Variants in GLS2 observed in about 807,000 individuals in gnomAD.
The protein encoded by GLS2 is glutaminase liver isoform, mitochondrial.
GLS2 carries 52 observed loss-of-function variants against 79.0 expected under a neutral mutation model. That is an observed-to-expected ratio of 0.66 (90% CI 0.53 to 0.83). The LOEUF (loss-of-function observed/expected upper bound fraction) is 0.83. GLS2 is among the 40% of genes least tolerant of loss of function. The pLI, the probability that GLS2 is intolerant of heterozygous loss-of-function variation, is 0.00. For synonymous variants in GLS2, 238 were observed against 280.8 expected, an observed-to-expected ratio of 0.85 and a Z score of 1.52; for missense variants, 561 against 764.8, an observed-to-expected ratio of 0.73 and a Z score of 3.14.
intron 14 of GLS2, 25 bp from the exon 15 acceptor site, chr12:56,472,776 G>C (rs748572561): frequency 6.2e-6 from 10 of 1,608,880 alleles, no homozygotes; most frequent in Middle Eastern, 1.6e-4. Flanking sequence ...ATACCCACAT[G>C]ACATTAATTG....
chr12:56,474,344 C>G (rs1282248560), intron 12 of GLS2, 200 bp downstream of exon 12: 1 of 638,684 alleles, frequency 1.6e-6, no homozygotes, highest in African/African-American at 1.8e-5. Flanking sequence ...CTGCCTCGGC[C>G]TCCCAAAGAC....
At chr12:56,477,542 G>T in intron 7 of GLS2, 118 bp downstream of exon 7, 1 of 1,016,826 alleles carries the variant, frequency 9.8e-7, no homozygotes, top group East Asian at 2.4e-5. Flanking sequence ...GCCTTCTGGG[G>T]ACCCTCAAAG....
chr12:56,474,918 G>A, intron 10 of GLS2, 22 bp from the exon 11 acceptor site: 1 of 1,614,076 alleles, frequency 6.2e-7, no homozygotes, highest in Non-Finnish European at 8.5e-7. Flanking sequence ...AGAGGGGAGA[G>A]CATTTCTCTT....
Position 56,479,071 on chromosome 12 carries a change from T to C in GLS2, c.515A>G (p.Lys172Arg). 2 of 1,613,872 alleles carry C rather than the reference T, an allele frequency of 1.2e-6. No homozygotes were observed. The highest frequency in any genetic ancestry group is 1.7e-6 in the Non-Finnish European group (2 of 1,179,972). The change falls in exon 4 of 18, where the codon AAA becomes AGA. Residue 172 changes from lysine (K) to arginine (R), a missense_variant. Lys to Arg is a conservative substitution (Grantham distance 26). Around this residue, in one of 4 missense-constraint regions of GLS2, gnomAD observed 43 missense variants for 92.8 expected, o/e 0.46. Coordinates refer to ENST00000311966, the MANE Select transcript of GLS2 (RefSeq NM_013267.4). ...TCTCACTTTGCCTCCAGTGAGCTCT[T>C]TGACATCCTCAAAGATGCGATCCAC... ...GHVDRIFEDVKELTGGKVAAY... is the reference protein window; with the variant it reads ...GHVDRIFEDVRELTGGKVAAY...
intron 2 of GLS2, 112 bp from the exon 3 acceptor site, chr12:56,480,013 G>A (rs945270847): frequency 1.5e-6 from 2 of 1,359,996 alleles, no homozygotes; most frequent in East Asian, 2.3e-5. Context: ...TACAATAGGT[G>A]GAACAAATGG....
In GLS2 at chr12:56,474,564, A is replaced by C. The variant is rs1287798997; in HGVS notation, c.1204T>G (p.Ser402Ala). The C allele has an allele frequency of 5.0e-6, 8 of 1,613,974 alleles. No individual in the cohort carries two copies. The East Asian group carries it at 1.3e-4, about 27-fold the overall frequency. Residue 402 changes from serine (S) to alanine (A), a missense_variant, in exon 12 of 18, where the codon TCT becomes GCT. Physicochemically the swap from Ser to Ala is moderately conservative, Grantham distance 99 (BLOSUM62 1). Transcript: ENST00000311966. ...LMHSCGMYDF[S>A]GQFAFHVGLP... ...CTCACGTGGAAGGCAAACTGGCCAG[A>C]GAAGTCATACATGCCGCAGGAATGC...
intron 5 of GLS2, 26 bp from the exon 6 acceptor site, chr12:56,478,122 G>A (rs755011309): frequency 1.2e-6 from 2 of 1,614,044 alleles, no homozygotes; most frequent in East Asian, 2.2e-5. Context: ...TGCCATGAAA[G>A]GGGTTGGCCT....
intron 15 of GLS2, 101 bp from the exon 16 acceptor site, chr12:56,472,296 G>A (rs1592271913): frequency 9.4e-7 from 1 of 1,059,454 alleles, no homozygotes; most frequent in Non-Finnish European, 1.5e-6. Flanking sequence ...CAGAGAAAGT[G>A]AAACAGCCTA....
chr12:56,478,572 T>A, intron 4 of GLS2: 1 of 350,490 alleles, frequency 2.9e-6, no homozygotes, highest in Non-Finnish European at 5.3e-6. Context: ...GAAGGCTCTA[T>A]TCGATCTTGA....
chr12:56,478,059 G>T lies in GLS2; in HGVS notation c.652C>A (p.Gln218Lys). 1.2e-6 allele frequency: 2 copies of T among 1,614,222 alleles called. No individual in the cohort carries two copies. Among genetic ancestry groups the T allele is most frequent in the Non-Finnish European group, 1.7e-6 (2 of 1,180,024 alleles). The change falls in exon 6 of 18, where the codon CAG becomes AAG. Residue 218 changes from glutamine to lysine, a missense_variant. Around this residue, in one of 4 missense-constraint regions of GLS2, gnomAD observed 221 missense variants for 275.6 expected, o/e 0.80. Transcript: ENST00000311966. Reference protein sequence around the residue: ...VGHTKIPFCLQSCVKPLTYAI... With the variant: ...VGHTKIPFCLKSCVKPLTYAI... Reference sequence around the variant, plus strand: ...TAGGTGAGGGGCTTCACACAGGACTGCAGGCAGAAGGGGATCTTTGTGTGG... The same window carrying T: ...TAGGTGAGGGGCTTCACACAGGACTTCAGGCAGAAGGGGATCTTTGTGTGG...
At chr12:56,472,054 A>G (rs1161085878) in intron 16 of GLS2, 65 bp downstream of exon 16, 1 of 1,542,014 alleles carries the variant, frequency 6.5e-7, no homozygotes, top group Non-Finnish European at 8.9e-7. Context: ...TAATGAAGGT[A>G]CTTTTGGTGA....
chr12:56,477,704 G>C lies in GLS2; in HGVS notation c.793C>G (p.Pro265Ala), dbSNP rs1359724869. 2 of 1,613,090 alleles carry C rather than the reference G, an allele frequency of 1.2e-6. No homozygotes were observed. Among genetic ancestry groups the C allele is most frequent in the Non-Finnish European group, 1.7e-6 (2 of 1,179,596 alleles). ...ACAATGGCACCAGCATTGACCATGG[G>C]GTTATGGGGGATTCCTGGGGAAATA... ...SLNEEGIPHN[P>A]MVNAGAIVVS... The change falls in exon 7 of 18, where the codon CCC becomes GCC. Residue 265 changes from proline (P) to alanine (A), a missense_variant. Physicochemically the swap from Pro to Ala is conservative, Grantham distance 27. Coordinates refer to ENST00000311966, the MANE Select transcript of GLS2 (RefSeq NM_013267.4).
intron 1 of GLS2, among the ~76,000 whole-genome samples, chr12:56,486,328 C>T (rs1870683040): frequency 6.6e-6 from 1 of 152,160 alleles, no homozygotes; most frequent in Non-Finnish European, 1.5e-5. Flanking sequence ...CCAGGGATAC[C>T]TCTAGTTCCC....
intron 2 of GLS2, 104 bp downstream of exon 2, chr12:56,480,174 GCTTCACCCTC>G (rs1362917157): frequency 5.5e-6 from 5 of 906,458 alleles, no homozygotes; most frequent in Non-Finnish European, 8.6e-6. Context: ...CCATCTGTAT[GCTTCACCCTC>G]ATGTAGCAAC....
Position 56,472,358 on chromosome 12 carries a change from T to C in GLS2, c.1512-163A>G. On this transcript the variant is annotated intron_variant, in intron 15 of 17. Transcript: ENST00000311966. ...TCTTTTTTCCATATCCAGATGAGACTGTTATACTCATATTAGAGAGATGGG... is the reference window on the plus strand; with the variant it reads ...TCTTTTTTCCATATCCAGATGAGACCGTTATACTCATATTAGAGAGATGGG... 6 of 635,552 alleles carry C rather than the reference T, an allele frequency of 9.4e-6. No individual in the cohort carries two copies. In the South Asian group the frequency reaches 1.1e-4, roughly 12 times the overall value. The allele number at this position is 635,552 out of a possible 1,614,324, so 39.4% of individuals were successfully genotyped here.
Position 56,471,251 on chromosome 12 carries a change from G to T in GLS2, c.*236C>A. The T allele has an allele frequency of 2.0e-6, 1 of 496,050 alleles. No individual in the cohort carries two copies. Among genetic ancestry groups the T allele is most frequent in the Non-Finnish European group, 3.5e-6 (1 of 284,010 alleles). The allele number at this position is 496,050 out of a possible 1,614,324, so 30.7% of individuals were successfully genotyped here. ...GCAAGCCATTAGGCTGTACCTTGAA[G>T]CCCAGTCTCTCTGGATAGCTGTACT... On this transcript the variant is annotated 3_prime_UTR_variant, in exon 18 of 18. Coordinates refer to ENST00000311966, the MANE Select transcript of GLS2 (RefSeq NM_013267.4).
chr12:56,474,141 ACAGTGCAATGGCACAATCTCGGCT>A (rs1275367870), intron 12 of GLS2: 5 of 185,132 alleles, frequency 2.7e-5, no homozygotes, highest in African/African-American at 1.2e-4. Context: ...TGCCCAGGCT[ACAGTGCAATGGCACAATCTCGGCT>A]CAGTGCAACC....
In GLS2 at chr12:56,471,447, T is replaced by C. The variant is rs1208676721; in HGVS notation, c.*40A>G. On this transcript the variant is annotated 3_prime_UTR_variant, in exon 18 of 18. Transcript: ENST00000311966. ...GTTATGGATTACATGTGTGGCCAGC[T>C]CATGCTTTTTCTTGAGCAGGGGCTG... The C allele has an allele frequency of 6.3e-7, 1 of 1,577,802 alleles. No homozygotes were observed. The highest frequency in any genetic ancestry group is 1.8e-5 in the Admixed American group (1 of 55,292).
rs375310041 is a variant in GLS2, at chr12:56,479,872, T to C, written c.312A>G (p.Ser104=). 1 of 1,613,254 alleles carries C rather than the reference T, an allele frequency of 6.2e-7. No individual in the cohort carries two copies. The highest frequency in any genetic ancestry group is 8.5e-7 in the Non-Finnish European group (1 of 1,180,006). ...TCATGCAGTCTCGGAGCCGAGGATC[T>C]GATGTCTGCAGTCCAGTGGCCTTTA... ...TALKATGLQT[S]DPRLRDCMSE... Residue 104 remains serine (S), a synonymous_variant, in exon 3 of 18, where the codon TCA becomes TCG. Coordinates refer to ENST00000311966, the MANE Select transcript of GLS2 (RefSeq NM_013267.4).
Sources: allele counts gnomAD v4.1 joint callset (sites outside exome capture counted in the v4.1 genomes callset), GRCh38; gene constraint gnomAD v4.1.1; regional missense constraint gnomAD v4.1.1; transcripts MANE v1.5; gene names NCBI Gene and HGNC (gene_info 2026-07-23, HGNC 2026-07-21).